TLL1: variants seen among roughly 807,000 people sequenced by gnomAD.
TLL1 encodes the protein tolloid like 1.
Under a neutral mutation model 128.2 loss-of-function variants are expected in TLL1, and 49 were observed. That is an observed-to-expected ratio of 0.38 (90% confidence interval 0.30 to 0.48). The LOEUF (loss-of-function observed/expected upper bound fraction) is 0.48, where lower values mean the gene tolerates loss of function less well. Among genes scored for constraint, TLL1 ranks in the 20% least tolerant of loss-of-function variants. The probability of loss-of-function intolerance (pLI) is 0.96; values close to 1 mark genes in which losing one functional copy is unlikely to be tolerated. For missense variants in TLL1, 1,123 were observed against 1,242.0 expected, an observed-to-expected ratio of 0.90 and a Z score of 1.44; for synonymous variants, 454 against 418.8, an observed-to-expected ratio of 1.08 and a Z score of -1.03.
intron 3 of TLL1, among the ~76,000 whole-genome samples, chr4:165,994,110 ACTT>A (rs1185524033): frequency 1.3e-5 from 2 of 152,132 alleles, no homozygotes; most frequent in African/African-American, 4.8e-5. Flanking sequence ...AGCCTGACTG[ACTT>A]CTATCCACTT....
intron 1 of TLL1, among the ~76,000 whole-genome samples, chr4:165,915,012 C>G (rs1205762821): frequency 1.3e-5 from 2 of 152,282 alleles, no homozygotes; most frequent in East Asian, 3.9e-4. Context: ...ACTCTTCCCA[C>G]CAGAATTGTC....
At chr4:166,039,297 C>G (rs753801586) in intron 9 of TLL1, 42 bp from the exon 10 acceptor site, 3 of 1,387,906 alleles carry the variant, frequency 2.2e-6, no homozygotes, top group East Asian at 2.3e-5. Flanking sequence ...TATGTAGATA[C>G]AATCATTTTT....
In TLL1 at chr4:166,077,914, C is replaced by A; in HGVS notation, c.2326C>A (p.Gln776Lys). 1.2e-6 allele frequency: 2 copies of A among 1,613,498 alleles called. No homozygotes were observed. The highest frequency in any genetic ancestry group is 1.7e-6 in the Non-Finnish European group (2 of 1,179,668). The change falls in exon 18 of 21, where the codon CAG (glutamine) becomes AAG (lysine). Residue 776 changes from glutamine to lysine, a missense_variant. By Grantham distance (53) the Gln-to-Lys change is moderately conservative. Around this residue, in one of 3 missense-constraint regions of TLL1, gnomAD observed 634 missense variants for 672.4 expected, o/e 0.94. Coordinates refer to ENST00000061240, the MANE Select transcript of TLL1 (RefSeq NM_012464.5). Reference protein sequence around the residue: ...KHDCKEAECEQKIHSPSGLIT... With the variant: ...KHDCKEAECEKKIHSPSGLIT... ...GGTTATTGGTGCAGCTGAGTGTGAA[C>A]AGAAGATCCACAGTCCAAGTGGCCT...
At chr4:165,875,684 A>C (rs1730693741) in intron 1 of TLL1, among the ~76,000 whole-genome samples, 2 of 152,186 alleles carry the variant, frequency 1.3e-5, no homozygotes, top group African/African-American at 4.8e-5. Context: ...TTTGCTAAGA[A>C]ATTTCTTTTG....
Position 166,052,359 on chromosome 4 carries a change from G to A in TLL1, c.1525-2717G>A, listed in dbSNP as rs77044283. Among the ~76,000 whole-genome samples the A allele has an allele frequency of 4.1e-4, 63 of 152,168 alleles. No individual in the cohort carries two copies. In the East Asian group the frequency reaches 6.2e-3, roughly 15 times the overall value. ...TGCCCAGGCTGGAGTGCAGTGGCAC[G>A]ATCTTGGCTCACTGCAACCTCCACC... is the stretch of plus-strand genomic sequence containing the variant. On this transcript the variant is annotated intron_variant, in intron 12 of 20. Coordinates refer to ENST00000061240, the MANE Select transcript of TLL1 (RefSeq NM_012464.5).
At chr4:165,966,884 C>G (rs898849057) in intron 1 of TLL1, among the ~76,000 whole-genome samples, 5 of 152,136 alleles carry the variant, frequency 3.3e-5, no homozygotes, top group Admixed American at 2.6e-4. Flanking sequence ...TTGTTAAGAT[C>G]TTATCAGGAG....
chr4:166,062,491 A>C (rs188828608), intron 15 of TLL1, among the ~76,000 whole-genome samples: 1 of 152,200 alleles, frequency 6.6e-6, no homozygotes, highest in South Asian at 2.1e-4. Flanking sequence ...TTGTGAATGG[A>C]AGTTCACTCA....
chr4:165,951,798 A>G (rs1424434106), intron 1 of TLL1, among the ~76,000 whole-genome samples: 1 of 152,130 alleles, frequency 6.6e-6, no homozygotes, highest in Non-Finnish European at 1.5e-5. Flanking sequence ...ATGAATATAA[A>G]CATCTTGCTA....
At chr4:166,011,219 T>A (rs1237092510) in intron 7 of TLL1, among the ~76,000 whole-genome samples, 1 of 151,476 alleles carries the variant, frequency 6.6e-6, no homozygotes, top group Admixed American at 6.6e-5. Context: ...CTGATAGAAA[T>A]TGCATTGAAT....
intron 1 of TLL1, among the ~76,000 whole-genome samples, chr4:165,881,759 G>C (rs1162647620): frequency 6.6e-6 from 1 of 152,190 alleles, no homozygotes; most frequent in Admixed American, 6.5e-5. Context: ...GAATAGTGTA[G>C]GGGAGACAAT....
chr4:166,065,719 C>A lies in TLL1; in HGVS notation c.2044C>A (p.Leu682Ile), dbSNP rs763537316. The change falls in exon 16 of 21, where the codon CTT (leucine) becomes ATT (isoleucine). Residue 682 changes from leucine to isoleucine, a missense_variant. Physicochemically the swap from Leu to Ile is conservative, Grantham distance 5 (BLOSUM62 2). Coordinates refer to ENST00000061240, the MANE Select transcript of TLL1 (RefSeq NM_012464.5). ...KYDYVEIWSG[L>I]SSESKLHGKF... ...TGATTATGTGGAGATCTGGAGTGGT[C>A]TTTCCTCTGAGTCTAAACTGCATGG... 5.0e-6 allele frequency: 8 copies of A among 1,611,768 alleles called. No individual in the cohort carries two copies. In the South Asian group the frequency reaches 8.8e-5, roughly 18 times the overall value.
intron 1 of TLL1, among the ~76,000 whole-genome samples, chr4:165,980,084 A>G (rs909424329): frequency 6.6e-6 from 1 of 152,202 alleles, no homozygotes; most frequent in African/African-American, 2.4e-5. Context: ...CATTGGAAGC[A>G]TATAAGTAAT....
intron 9 of TLL1, among the ~76,000 whole-genome samples, chr4:166,027,458 G>A (rs930079392): frequency 2.0e-5 from 3 of 152,040 alleles, no homozygotes; most frequent in African/African-American, 2.4e-5. Flanking sequence ...TGTAATATTC[G>A]CAGTGGAAAC....
Position 165,892,951 on chromosome 4 carries a change from A to AT in TLL1, c.169+18884dup, listed in dbSNP as rs951010496. Among the ~76,000 whole-genome samples, 120 of 152,248 alleles carry AT rather than the reference A, an allele frequency of 7.9e-4. 1 individual carries two copies. Among genetic ancestry groups the AT allele is most frequent in the Middle Eastern group, 6.8e-3 (2 of 294 alleles). On this transcript the variant is annotated intron_variant, in intron 1 of 20. Transcript: ENST00000061240. ...GATGGTAGCTATTTCCCTCAATGCC[A>AT]TTTTTTGATGTAAATCCAAACTGTG... is the stretch of plus-strand genomic sequence containing the variant.
At chr4:165,977,627 A>G (rs1463394145) in intron 1 of TLL1, among the ~76,000 whole-genome samples, 4 of 152,224 alleles carry the variant, frequency 2.6e-5, no homozygotes, top group African/African-American at 9.6e-5. Flanking sequence ...ATTGCACTAA[A>G]TTAAATACAT....
intron 9 of TLL1, among the ~76,000 whole-genome samples, chr4:166,037,703 G>T (rs1415370043): frequency 6.6e-6 from 1 of 151,992 alleles, no homozygotes; most frequent in African/African-American, 2.4e-5. Context: ...AGCTACTCAG[G>T]AGGCTGAGGG....
rs1159329034 is a variant in TLL1 at position 166,103,075 on chromosome 4, AG to A, written c.*2200del. Reference sequence around the variant, plus strand: ...CATGTTCTCGTTTTGTAGTTCAGAAAGTGAGGCTCAAAGAATTTATGTAACC... The same window carrying A: ...CATGTTCTCGTTTTGTAGTTCAGAAATGAGGCTCAAAGAATTTATGTAACC... On this transcript the variant is annotated 3_prime_UTR_variant, in exon 21 of 21. Transcript: ENST00000061240. 6.6e-6 allele frequency: 1 copy of A among 151,910 alleles called. No homozygotes were observed. The highest frequency in any genetic ancestry group is 2.4e-5 in the African/African-American group (1 of 41,414). 9.4% of individuals were successfully genotyped at this position (151,910 alleles called of 1,614,324 possible). A position where few individuals can be genotyped will look rare whatever the true frequency, so the allele number is the denominator to read the frequency against.
intron 1 of TLL1, among the ~76,000 whole-genome samples, chr4:165,962,662 G>A (rs1221850661): frequency 6.6e-6 from 1 of 152,076 alleles, no homozygotes; most frequent in Non-Finnish European, 1.5e-5. Flanking sequence ...TAAGCCAGGT[G>A]CTCATCAATG....
chr4:165,946,978 G>C (rs1230015757), intron 1 of TLL1, among the ~76,000 whole-genome samples: 1 of 152,070 alleles, frequency 6.6e-6, no homozygotes, highest in African/African-American at 2.4e-5. Flanking sequence ...TTTAAGTGAT[G>C]AACTTGGATA....
Sources: gnomAD v4.1 joint callset for allele counts (sites outside exome capture counted in the v4.1 genomes callset) on GRCh38, gnomAD v4.1.1 for gene constraint, gnomAD v4.1.1 regional missense constraint, MANE v1.5 for transcripts, NCBI Gene and HGNC (gene_info 2026-07-23, HGNC 2026-07-21) for gene names.